Variants in TECPR1 observed in about 807,000 individuals in gnomAD.
The protein encoded by TECPR1 is tectonin beta-propeller repeat containing 1, also known as tectonin beta-propeller repeat-containing protein 1.
In TECPR1, 122 loss-of-function variants were observed where a neutral mutation model predicts 162.4. The ratio of observed to expected loss-of-function variants is 0.75; its 90% CI spans 0.65 to 0.87. The LOEUF is 0.87. Ranked by LOEUF, TECPR1 falls within the 40% of genes least tolerant of loss-of-function variation. The pLI, the probability that TECPR1 is intolerant of heterozygous loss-of-function variation, is 0.00. For missense variants in TECPR1, 1,432 were observed against 1,618.2 expected, an observed-to-expected ratio of 0.88 and a Z score of 1.97; for synonymous variants, 642 against 670.6, an observed-to-expected ratio of 0.96 and a Z score of 0.66.
Position 98,244,882 on chromosome 7 carries a change from T to C in TECPR1, c.408+3A>G. Reference sequence around the variant, plus strand: ...AGTCATGGAGGGTCCCAAGTTCACCTACCCCTTTCTCAGTGGGTTCACCTC... The same window carrying C: ...AGTCATGGAGGGTCCCAAGTTCACCCACCCCTTTCTCAGTGGGTTCACCTC... On this transcript the variant is annotated splice_donor_region_variant and intron_variant, in intron 4 of 25. Coordinates refer to ENST00000447648, the MANE Select transcript of TECPR1 (RefSeq NM_015395.3). The C allele has an allele frequency of 6.2e-7, 1 of 1,612,860 alleles. No homozygotes were observed.
chr7:98,243,033 TC>T lies in TECPR1; in HGVS notation c.657+433del, dbSNP rs1798807341. On this transcript the variant is annotated intron_variant, in intron 6 of 25. Coordinates refer to ENST00000447648, the MANE Select transcript of TECPR1 (RefSeq NM_015395.3). ...ATCCATCCACACACCCACCTATCCATCCTTCTGCCCACACACCCACCCATCC... is the reference window on the plus strand; with the variant it reads ...ATCCATCCACACACCCACCTATCCATCTTCTGCCCACACACCCACCCATCC... 1.4e-4 allele frequency among the ~76,000 whole-genome samples: 2 copies of T among 14,604 alleles called. 1 individual carries two copies. Among genetic ancestry groups the T allele is most frequent in the Admixed American group, 2.3e-3 (2 of 852 alleles). The allele number at this position is 14,604 out of a possible 152,430, so 9.6% of individuals were successfully genotyped here.
chr7:98,225,334 A>G (rs542456144), intron 17 of TECPR1, among the ~76,000 whole-genome samples: 1 of 152,334 alleles, frequency 6.6e-6, no homozygotes, highest in Admixed American at 6.5e-5. Flanking sequence ...CAGGAGTTCG[A>G]GACCATCCTG....
Position 98,243,406 on chromosome 7 carries a change from G to T in TECPR1, c.657+61C>A, listed in dbSNP as rs1798820488. ...GGAGCAAGACCCAGGGGGTGCACAG[G>T]ACAGGACCCACAGGAGGTGGGATCG... On this transcript the variant is annotated intron_variant, in intron 6 of 25. Coordinates refer to ENST00000447648, the MANE Select transcript of TECPR1 (RefSeq NM_015395.3). 9.4e-6 allele frequency: 15 copies of T among 1,602,220 alleles called. 1 individual carries two copies. The highest frequency in any genetic ancestry group is 1.3e-5 in the Non-Finnish European group (15 of 1,175,706).
At chr7:98,222,326 G>A (rs1269266800) in intron 22 of TECPR1, 60 bp downstream of exon 22, 5 of 1,562,242 alleles carry the variant, frequency 3.2e-6, no homozygotes, top group Non-Finnish European at 4.3e-6. Context: ...GGGATGTTCA[G>A]CAAACATCAG....
At chr7:98,225,150 C>A in intron 17 of TECPR1, 48 bp from the exon 18 acceptor site, 1 of 1,511,366 alleles carries the variant, frequency 6.6e-7, no homozygotes, top group Non-Finnish European at 9.0e-7. Context: ...GGGGAATGAA[C>A]TGGCTCACTC....
At chr7:98,235,849 A>AAAAAAAAAAAAAC in intron 10 of TECPR1, among the ~76,000 whole-genome samples, 6 of 110,322 alleles carry the variant, frequency 5.4e-5, no homozygotes, top group African/African-American at 1.8e-4. Context: ...AAAAAAAAAA[A>AAAAAAAAAAAAAC]AACACCATCT....
At chr7:98,251,006 C>T (rs1408749267) in intron 2 of TECPR1, 12 of 152,202 alleles carry the variant, frequency 7.9e-5, no homozygotes, top group Admixed American at 7.9e-4. Context: ...CCCCCTAGCT[C>T]CTCATGGGCC....
intron 8 of TECPR1, among the ~76,000 whole-genome samples, chr7:98,240,419 C>T (rs1387018129): frequency 6.6e-6 from 1 of 151,996 alleles, no homozygotes; most frequent in Non-Finnish European, 1.5e-5. Flanking sequence ...CGGATTTGTT[C>T]TAATGGGTTT....
Position 98,241,191 on chromosome 7 carries a change from G to A in TECPR1, c.711C>T (p.Ser237=), listed in dbSNP as rs79739157. Residue 237 remains serine, a synonymous_variant, in exon 7 of 26, where the codon TCC becomes TCT. Transcript: ENST00000447648. This position sits in a 1 kb window ranked among gnomAD's most constrained non-coding sequence, Gnocchi z 5.0. The part of the protein sequence containing the change: ...SHSNPEGSSW[S]LLDTPGEVVQ... ...CCACCTCCCCGGGGGTGTCCAGCAG[G>A]GACCAGGAGGACCCTTCGGGGTTGG... is the stretch of plus-strand genomic sequence containing the variant. The A allele has an allele frequency of 2.5e-4, 404 of 1,612,876 alleles. No individual in the cohort carries two copies. In the East Asian group the frequency reaches 3.6e-3, roughly 14 times the overall value.
At chr7:98,229,710 T>C (rs1278538689) in intron 15 of TECPR1, among the ~76,000 whole-genome samples, 1 of 152,196 alleles carries the variant, frequency 6.6e-6, no homozygotes, top group African/African-American at 2.4e-5. Context: ...CACAGCCTCC[T>C]GCGGCCGAGG....
intron 2 of TECPR1, among the ~76,000 whole-genome samples, chr7:98,250,538 TGAGGCAGGAG>T (rs1194591832): frequency 5.9e-5 from 9 of 152,128 alleles, no homozygotes; most frequent in African/African-American, 2.2e-4. Context: ...CTTGGGAGGC[TGAGGCAGGAG>T]GATCACTTGA....
intron 17 of TECPR1, among the ~76,000 whole-genome samples, chr7:98,225,836 C>T (rs986291115): frequency 6.6e-6 from 1 of 152,112 alleles, no homozygotes; most frequent in Admixed American, 6.6e-5. Flanking sequence ...TTTTAAGTGT[C>T]CTGTAGAGAT....
chr7:98,231,608 C>A, intron 13 of TECPR1, 196 bp downstream of exon 13: 1 of 700,292 alleles, frequency 1.4e-6, no homozygotes, highest in Non-Finnish European at 2.2e-6. Flanking sequence ...CCTGGGGCAC[C>A]CCCATTTCTG....
intron 6 of TECPR1, 76 bp downstream of exon 6, chr7:98,243,391 C>A (rs1007428788): frequency 8.9e-6 from 14 of 1,578,462 alleles, no homozygotes; most frequent in Non-Finnish European, 1.2e-5. Context: ...GGAGCAAGAC[C>A]CAGGGGGTGC....
At chr7:98,224,263 C>A (rs1004855460) in intron 19 of TECPR1, among the ~76,000 whole-genome samples, 1 of 152,162 alleles carries the variant, frequency 6.6e-6, no homozygotes, top group Admixed American at 6.5e-5. Flanking sequence ...GAGACTGTGC[C>A]GTGAAGGGCC....
intron 10 of TECPR1, 131 bp from the exon 11 acceptor site, chr7:98,234,042 CTG>C: frequency 8.2e-7 from 1 of 1,216,162 alleles, no homozygotes; most frequent in Non-Finnish European, 1.1e-6. Context: ...CTCTGAACTC[CTG>C]TCTCTTCCTC....
At chr7:98,229,972 A>G (rs1368653056) in intron 15 of TECPR1, among the ~76,000 whole-genome samples, 5 of 143,808 alleles carry the variant, frequency 3.5e-5, no homozygotes, top group Admixed American at 1.4e-4. Context: ...CCCCCAGGGA[A>G]CCTCATTCCC....
intron 8 of TECPR1, among the ~76,000 whole-genome samples, 161 bp downstream of exon 8, chr7:98,240,690 C>T (rs1235285330): frequency 1.3e-5 from 2 of 151,986 alleles, no homozygotes; most frequent in African/African-American, 4.8e-5. Flanking sequence ...GCTGGGATTA[C>T]AGACGTGAGC....
At position 98,235,393 on chromosome 7, in the gene TECPR1, C is replaced by T. The variant is rs184454162; in HGVS notation, c.1181+1383G>A. 4.6e-3 allele frequency among the ~76,000 whole-genome samples: 693 copies of T among 151,212 alleles called. 2 individuals carry two copies. Among genetic ancestry groups the T allele is most frequent in the Middle Eastern group, 0.014 (4 of 286 alleles). ...ACAAAAAATTAGCCAGGTGTGGTGG[C>T]GGGTGCCTGTAGTCCCAGCTACTCG... On this transcript the variant is annotated intron_variant, in intron 10 of 25. Coordinates refer to ENST00000447648, the MANE Select transcript of TECPR1 (RefSeq NM_015395.3).
Sources: allele counts gnomAD v4.1 joint callset (sites outside exome capture counted in the v4.1 genomes callset), GRCh38; gene constraint gnomAD v4.1.1; non-coding constraint Gnocchi (gnomAD v3.1); transcripts MANE v1.5; gene names NCBI Gene and HGNC (gene_info 2026-07-23, HGNC 2026-07-21).